Variants in ADAM28 observed in about 807,000 individuals in gnomAD.
ADAM28 encodes the protein disintegrin and metalloproteinase domain-containing protein 28.
In ADAM28, 105 loss-of-function variants were observed where a neutral mutation model predicts 101.2. That is an observed-to-expected ratio of 1.04 (90% CI 0.89 to 1.22). The LOEUF is 1.22. Ranked by LOEUF, ADAM28 falls within the 50% of genes most tolerant of loss-of-function variation. ADAM28 has a pLI of 0.00. For synonymous variants in ADAM28, 322 were observed against 310.6 expected, an observed-to-expected ratio of 1.04 and a Z score of -0.39; for missense variants, 1,028 against 945.4, an observed-to-expected ratio of 1.09 and a Z score of -1.15.
rs1417694181 is a variant in ADAM28 at position 24,310,255 on chromosome 8, T to C, written c.306+14T>C. ...CCACAAATTATGGTATAACGGAGTC[T>C]CTTCAATTCTTTAATTAGGGTTTTA... On this transcript the variant is annotated intron_variant, in intron 4 of 22. Coordinates refer to ENST00000265769, the MANE Select transcript of ADAM28 (RefSeq NM_014265.6). 1 of 1,607,592 alleles carries C rather than the reference T, an allele frequency of 6.2e-7. No homozygotes were observed.
chr8:24,342,774 T>G (rs1248264379), intron 16 of ADAM28, among the ~76,000 whole-genome samples: 1 of 152,198 alleles, frequency 6.6e-6, no homozygotes, highest in Non-Finnish European at 1.5e-5. Context: ...TAGGGCAGAA[T>G]TGAGATGTTT....
chr8:24,335,771 G>T, intron 14 of ADAM28, 130 bp downstream of exon 14: 3 of 1,308,278 alleles, frequency 2.3e-6, no homozygotes, highest in East Asian at 2.9e-5. Flanking sequence ...ATCATGGAAA[G>T]GTTTTAAGAT....
At chr8:24,334,029 G>T (rs765929431) in intron 13 of ADAM28, among the ~76,000 whole-genome samples, 6 of 152,100 alleles carry the variant, frequency 3.9e-5, no homozygotes, top group Non-Finnish European at 7.4e-5. Context: ...ATGTCAGAGA[G>T]AGAGGAAAGA....
At chr8:24,301,431 C>T (rs371459017) in intron 2 of ADAM28, among the ~76,000 whole-genome samples, 39 of 152,172 alleles carry the variant, frequency 2.6e-4, no homozygotes, top group African/African-American at 5.1e-4. Context: ...TGCGATTTAC[C>T]TGTATAACAA....
intron 18 of ADAM28, 93 bp from the exon 19 acceptor site, chr8:24,349,771 C>A: frequency 2.2e-6 from 2 of 896,392 alleles, no homozygotes; most frequent in Admixed American, 2.2e-5. Context: ...AAAAGGGTAG[C>A]TGGAATATGT....
chr8:24,325,267 T>TG (rs1812386613), intron 9 of ADAM28, among the ~76,000 whole-genome samples: 1 of 151,878 alleles, frequency 6.6e-6, no homozygotes, highest in African/African-American at 2.4e-5. Context: ...TAAAAATAAA[T>TG]GACGATACAA....
At chr8:24,341,422 A>C in intron 15 of ADAM28, 176 bp from the exon 16 acceptor site, 1 of 637,188 alleles carries the variant, frequency 1.6e-6, no homozygotes, top group East Asian at 2.8e-5. Flanking sequence ...GAGCAATAAT[A>C]TATTGTGCTA....
chr8:24,343,375 T>A (rs914423389), intron 17 of ADAM28, 131 bp from the exon 18 acceptor site: 3 of 1,097,390 alleles, frequency 2.7e-6, no homozygotes, highest in Admixed American at 4.7e-5. Flanking sequence ...TCACTCATAC[T>A]TTTTGTAGAT....
At chr8:24,345,812 TTACGG>T (rs1815337109) in intron 18 of ADAM28, among the ~76,000 whole-genome samples, 1 of 152,098 alleles carries the variant, frequency 6.6e-6, no homozygotes, top group Admixed American at 6.6e-5. Context: ...CGATACAACT[TTACGG>T]TATATTACAT....
chr8:24,312,493 T>A (rs1810602473), intron 5 of ADAM28, among the ~76,000 whole-genome samples: 1 of 152,098 alleles, frequency 6.6e-6, no homozygotes, highest in Non-Finnish European at 1.5e-5. Flanking sequence ...TCTACCATGA[T>A]TCCTTATGCA....
At chr8:24,297,127 G>T (rs755672502) in intron 1 of ADAM28, among the ~76,000 whole-genome samples, 3 of 151,384 alleles carry the variant, frequency 2.0e-5, no homozygotes, top group African/African-American at 4.8e-5. Flanking sequence ...AGATTGAGAG[G>T]TTGCCAATGA....
chr8:24,313,769 T>C (rs1213775253), intron 6 of ADAM28, among the ~76,000 whole-genome samples, 189 bp downstream of exon 6: 1 of 151,892 alleles, frequency 6.6e-6, no homozygotes, highest in Non-Finnish European at 1.5e-5. Context: ...TTTTTTTTTT[T>C]TTTTTGAGAT....
chr8:24,305,010 A>C (rs1809373218), intron 2 of ADAM28, among the ~76,000 whole-genome samples: 1 of 151,660 alleles, frequency 6.6e-6, no homozygotes, highest in Non-Finnish European at 1.5e-5. Context: ...TTGTGGCTTC[A>C]TGTCCCAGTT....
intron 18 of ADAM28, among the ~76,000 whole-genome samples, chr8:24,348,162 G>T (rs150186034): frequency 1.3e-5 from 2 of 151,988 alleles, no homozygotes; most frequent in African/African-American, 4.8e-5. Flanking sequence ...TGGATGTTAT[G>T]CATTTCTTTT....
intron 2 of ADAM28, chr8:24,308,887 G>C: frequency 3.0e-6 from 1 of 334,096 alleles, no homozygotes; most frequent in South Asian, 2.4e-5. Flanking sequence ...GCCAGAAGGG[G>C]AGGGAGAGAA....
chr8:24,311,391 A>G lies in ADAM28; in HGVS notation c.337A>G (p.Asn113Asp), dbSNP rs951299198. Residue 113 changes from asparagine (N) to aspartate (D), a missense_variant, in exon 5 of 23, where the codon AAT becomes GAT. Transcript: ENST00000265769. The part of the protein sequence containing the change: ...DDCYYQGHIL[N>D]EKVSDASIST... ...TTGTTATTATCAAGGACATATTCTT[A>G]ATGAAAAGGTTTCTGACGCTAGCAT... 1 of 1,613,150 alleles carries G rather than the reference A, an allele frequency of 6.2e-7. No individual in the cohort carries two copies. The highest frequency in any genetic ancestry group is 8.5e-7 in the Non-Finnish European group (1 of 1,179,498).
chr8:24,339,129 A>G (rs1052307552), intron 14 of ADAM28, among the ~76,000 whole-genome samples: 13 of 152,124 alleles, frequency 8.5e-5, no homozygotes, highest in African/African-American at 3.1e-4. Flanking sequence ...GCTCTTAACA[A>G]TGTGTTTTGT....
At chr8:24,340,850 C>T (rs1048600061) in intron 15 of ADAM28, 2 of 152,252 alleles carry the variant, frequency 1.3e-5, no homozygotes, top group Admixed American at 6.5e-5. Flanking sequence ...TCACAGCCCT[C>T]TTCCGAATTC....
At chr8:24,309,760 G>A (rs2292397) in intron 2 of ADAM28, 134 bp from the exon 3 acceptor site, 103,760 of 619,850 alleles carry the variant, frequency 0.17, 9,588 homozygotes, top group East Asian at 0.34. Flanking sequence ...GATCTGTCAA[G>A]AGGGGAAGAG....
Sources: gnomAD v4.1 joint callset for allele counts (sites outside exome capture counted in the v4.1 genomes callset) on GRCh38, gnomAD v4.1.1 for gene constraint, MANE v1.5 for transcripts, NCBI Gene and HGNC (gene_info 2026-07-23, HGNC 2026-07-21) for gene names.